Variants in RAD18 observed in about 807,000 individuals in gnomAD.
RAD18 encodes E3 ubiquitin-protein ligase RAD18.
Under a neutral mutation model 60.4 loss-of-function variants are expected in RAD18, and 47 were observed. The observed-to-expected ratio is 0.78, with a 90% confidence interval of 0.62 to 0.99. The LOEUF is 0.99. Ranked by LOEUF, RAD18 falls within the 50% of genes least tolerant of loss-of-function variation. The pLI, the probability that RAD18 is intolerant of heterozygous loss-of-function variation, is 0.00. For missense variants in RAD18, 640 were observed against 593.3 expected, an observed-to-expected ratio of 1.08 and a Z score of -0.82; for synonymous variants, 225 against 195.5, an observed-to-expected ratio of 1.15 and a Z score of -1.26.
At chr3:8,882,700 G>A (rs950640524) in intron 12 of RAD18, among the ~76,000 whole-genome samples, 3 of 152,168 alleles carry the variant, frequency 2.0e-5, no homozygotes, top group Non-Finnish European at 4.4e-5. Flanking sequence ...AAATCAATGA[G>A]AAAAACCCTC....
chr3:8,891,229 G>A (rs1259716886), intron 11 of RAD18, among the ~76,000 whole-genome samples: 1 of 151,988 alleles, frequency 6.6e-6, no homozygotes, highest in Non-Finnish European at 1.5e-5. Context: ...AGCTGCGGAG[G>A]ATCACGTAGT....
chr3:8,960,152 TA>T (rs1394856679), intron 1 of RAD18, among the ~76,000 whole-genome samples: 1 of 151,948 alleles, frequency 6.6e-6, no homozygotes, highest in African/African-American at 2.4e-5. Flanking sequence ...ATAAAAAATT[TA>T]AAAATTCGTT....
intron 7 of RAD18, among the ~76,000 whole-genome samples, chr3:8,922,154 G>A (rs1429430261): frequency 2.0e-5 from 3 of 152,240 alleles, no homozygotes; most frequent in African/African-American, 7.2e-5. Flanking sequence ...CCTCACCGGG[G>A]AAGCACAAGG....
chr3:8,917,722 A>G (rs1940231784), intron 7 of RAD18, among the ~76,000 whole-genome samples: 1 of 152,062 alleles, frequency 6.6e-6, no homozygotes, highest in Admixed American at 6.5e-5. Flanking sequence ...AGATAACAAA[A>G]AGGAGACGGA....
intron 12 of RAD18, among the ~76,000 whole-genome samples, chr3:8,887,797 A>G (rs1353194394): frequency 1.3e-5 from 2 of 152,324 alleles, no homozygotes; most frequent in South Asian, 4.1e-4. Context: ...CTTTGACATC[A>G]TAATATATAG....
At chr3:8,947,414 A>T in intron 3 of RAD18, 124 bp from the exon 4 acceptor site, 1 of 729,062 alleles carries the variant, frequency 1.4e-6, no homozygotes, top group Non-Finnish European at 2.4e-6. Flanking sequence ...CTTCTAAGGC[A>T]GCCTCAAAAT....
chr3:8,915,002 A>T (rs1038428811), intron 7 of RAD18, among the ~76,000 whole-genome samples: 1 of 151,780 alleles, frequency 6.6e-6, no homozygotes, highest in Non-Finnish European at 1.5e-5. Context: ...TTTTAAAATT[A>T]GCCGGGTGTG....
intron 1 of RAD18, 151 bp downstream of exon 1, chr3:8,963,184 G>T (rs933260977): frequency 3.9e-6 from 3 of 777,178 alleles, no homozygotes; most frequent in Non-Finnish European, 5.8e-6. Flanking sequence ...AGAGCCACGC[G>T]GTCGGCTAGT....
In RAD18 at chr3:8,888,357, C is replaced by T. The variant is rs141616209; in HGVS notation, c.1385+2032G>A. Among the ~76,000 whole-genome samples, 507 of 152,308 alleles carry T rather than the reference C, an allele frequency of 3.3e-3. 4 individuals are homozygous for T. Among genetic ancestry groups the T allele is most frequent in the African/African-American group, 0.012 (490 of 41,550 alleles). On this transcript the variant is annotated intron_variant, in intron 12 of 12. Transcript: ENST00000264926. ...TCTGCAGAAAATAAGTTTCCTGCTG[C>T]TTACAAAAACCCTGCTTTATATGGA... is the stretch of plus-strand genomic sequence containing the variant.
chr3:8,956,720 C>T (rs548592420), intron 2 of RAD18, among the ~76,000 whole-genome samples: 1 of 141,904 alleles, frequency 7.0e-6, no homozygotes, highest in South Asian at 2.1e-4. Context: ...GCAGAAAATA[C>T]TTGACAAAAT....
intron 7 of RAD18, among the ~76,000 whole-genome samples, chr3:8,920,806 T>C (rs976204473): frequency 7.9e-5 from 12 of 152,312 alleles, no homozygotes; most frequent in African/African-American, 2.9e-4. Flanking sequence ...GGCTGAGGAA[T>C]TATTCTAGAT....
chr3:8,941,687 C>G lies in RAD18; in HGVS notation c.384G>C (p.Gln128His). The G allele has an allele frequency of 6.2e-7, 1 of 1,614,166 alleles. No individual in the cohort carries two copies. The highest frequency in any genetic ancestry group is 1.1e-5 in the South Asian group (1 of 91,086). Residue 128 changes from glutamine (Q) to histidine (H), a missense_variant, in exon 5 of 13, where the codon CAG (glutamine) becomes CAC (histidine). By Grantham distance (24) the Gln-to-His change is conservative. Transcript: ENST00000264926. ...TPVASRQSLK[Q>H]GSRLMDNFLI... ...AGAAATTATCCATTAACCTGCTCCC[C>G]TGCTTTAAAGACTGTCTGGAGGCTA...
At chr3:8,919,267 T>C (rs1940267038) in intron 7 of RAD18, among the ~76,000 whole-genome samples, 1 of 152,048 alleles carries the variant, frequency 6.6e-6, no homozygotes, top group Admixed American at 6.5e-5. Context: ...CCTGCTAAAT[T>C]AGAATATTTA....
At chr3:8,961,764 C>G (rs182371909) in intron 1 of RAD18, among the ~76,000 whole-genome samples, 2 of 152,148 alleles carry the variant, frequency 1.3e-5, no homozygotes, top group African/African-American at 4.8e-5. Context: ...ACTCACTGAA[C>G]GCTCTGTGGT....
chr3:8,902,251 G>A, intron 10 of RAD18, 129 bp downstream of exon 10: 8 of 865,652 alleles, frequency 9.2e-6, no homozygotes, highest in Non-Finnish European at 1.1e-5. Context: ...CATGAAGTTT[G>A]TCTAAAAATA....
Position 8,917,315 on chromosome 3 carries a change from T to C in RAD18, c.890-3595A>G, listed in dbSNP as rs114163277. 6.8e-3 allele frequency among the ~76,000 whole-genome samples: 1,028 copies of C among 152,246 alleles called. 7 individuals carry two copies. The highest frequency in any genetic ancestry group is 0.024 in the African/African-American group (987 of 41,540). ...TACAAAAAGTATTAAAACAAGTTCT[T>C]CAATTAGAAGAACCAGAGAGAAACT... is the stretch of plus-strand genomic sequence containing the variant. On this transcript the variant is annotated intron_variant, in intron 7 of 12. Coordinates refer to ENST00000264926, the MANE Select transcript of RAD18 (RefSeq NM_020165.4).
intron 9 of RAD18, among the ~76,000 whole-genome samples, chr3:8,908,358 CCT>C (rs2125053382): frequency 6.6e-6 from 1 of 151,926 alleles, no homozygotes; most frequent in South Asian, 2.1e-4. Flanking sequence ...AGGAGCCACC[CCT>C]GAGGTCATTA....
At chr3:8,948,727 C>T (rs1267320103) in intron 2 of RAD18, among the ~76,000 whole-genome samples, 157 bp from the exon 3 acceptor site, 1 of 152,124 alleles carries the variant, frequency 6.6e-6, no homozygotes, top group Non-Finnish European at 1.5e-5. Flanking sequence ...TGCACACTTA[C>T]ACATGTGATT....
intron 5 of RAD18, 46 bp from the exon 6 acceptor site, chr3:8,939,699 G>A: frequency 1.3e-6 from 2 of 1,498,654 alleles, no homozygotes; most frequent in Non-Finnish European, 1.8e-6. Flanking sequence ...AATTGTAGAA[G>A]GGGCAAAAGT....
Sources: allele counts gnomAD v4.1 joint callset (sites outside exome capture counted in the v4.1 genomes callset), GRCh38; gene constraint gnomAD v4.1.1; transcripts MANE v1.5; gene names NCBI Gene and HGNC (gene_info 2026-07-23, HGNC 2026-07-21).